Variants in HS3ST2 observed in about 807,000 individuals in gnomAD.
The protein encoded by HS3ST2 is heparan sulfate-glucosamine 3-sulfotransferase 2, also known as heparan sulfate glucosamine 3-O-sulfotransferase 2.
A neutral mutation model predicts 26.3 loss-of-function variants in HS3ST2; 17 were observed. The ratio of observed to expected loss-of-function variants is 0.65; its 90% CI spans 0.44 to 0.97. The LOEUF (loss-of-function observed/expected upper bound fraction) is 0.97. Ranked by LOEUF, HS3ST2 falls within the 50% of genes least tolerant of loss-of-function variation. HS3ST2 has a pLI of 0.00. For synonymous variants in HS3ST2, 237 were observed against 219.2 expected (o/e 1.08, Z -0.72); for missense variants, 402 against 501.2 (o/e 0.80, Z 1.89).
At chr16:22,875,539 C>T (rs968910669) in intron 1 of HS3ST2, among the ~76,000 whole-genome samples, 86 of 152,254 alleles carry the variant, frequency 5.6e-4, no homozygotes, top group African/African-American at 1.9e-3. Flanking sequence ...CGCCACCACA[C>T]CTAGCTAATT....
At chr16:22,828,256 A>G (rs1308862840) in intron 1 of HS3ST2, among the ~76,000 whole-genome samples, 1 of 152,104 alleles carries the variant, frequency 6.6e-6, no homozygotes, top group Non-Finnish European at 1.5e-5. Context: ...ATAAATACAG[A>G]GTTCTTAGGT....
At chr16:22,876,845 C>T (rs909465559) in intron 1 of HS3ST2, among the ~76,000 whole-genome samples, 4 of 152,036 alleles carry the variant, frequency 2.6e-5, no homozygotes, top group East Asian at 1.9e-4. Flanking sequence ...TAGATGGAGT[C>T]GAAGGCCATT....
At chr16:22,861,399 G>T (rs41433148) in intron 1 of HS3ST2, among the ~76,000 whole-genome samples, 5,014 of 151,826 alleles carry the variant, frequency 0.033, 112 homozygotes, top group Middle Eastern at 0.095. Context: ...GACAGAACCT[G>T]TACTTGCTGG....
chr16:22,830,323 T>C (rs993033209), intron 1 of HS3ST2, among the ~76,000 whole-genome samples: 1 of 152,196 alleles, frequency 6.6e-6, no homozygotes, highest in Non-Finnish European at 1.5e-5. Flanking sequence ...GCACAGAATG[T>C]GAGTGCCTTT....
At chr16:22,905,240 C>T (rs886509549) in intron 1 of HS3ST2, among the ~76,000 whole-genome samples, 3 of 152,088 alleles carry the variant, frequency 2.0e-5, no homozygotes, top group Non-Finnish European at 4.4e-5. Flanking sequence ...TGTAAGTTTC[C>T]GATGATGGCC....
intron 1 of HS3ST2, among the ~76,000 whole-genome samples, chr16:22,903,132 A>G (rs962383318): frequency 2.0e-5 from 3 of 152,096 alleles, no homozygotes; most frequent in Non-Finnish European, 2.9e-5. Flanking sequence ...CCTCATGCCA[A>G]GATTCATTTT....
At chr16:22,816,175 C>A (rs772152227) in intron 1 of HS3ST2, among the ~76,000 whole-genome samples, 4 of 152,228 alleles carry the variant, frequency 2.6e-5, no homozygotes, top group Admixed American at 6.5e-5. Context: ...CCTGTTAACA[C>A]ATAGGTCACA....
intron 1 of HS3ST2, among the ~76,000 whole-genome samples, chr16:22,876,920 G>A (rs561277141): frequency 1.3e-5 from 2 of 152,314 alleles, no homozygotes; most frequent in Admixed American, 1.3e-4. Context: ...ATAAGTGGGA[G>A]CTAAGCTACG....
At chr16:22,883,582 AAC>A (rs1376057280) in intron 1 of HS3ST2, among the ~76,000 whole-genome samples, 1 of 152,220 alleles carries the variant, frequency 6.6e-6, no homozygotes, top group Non-Finnish European at 1.5e-5. Flanking sequence ...ATAACTATGT[AAC>A]TGGTTTTTGT....
At chr16:22,865,553 C>A (rs1201262785) in intron 1 of HS3ST2, among the ~76,000 whole-genome samples, 8 of 151,278 alleles carry the variant, frequency 5.3e-5, no homozygotes, top group African/African-American at 1.9e-4. Flanking sequence ...GAGACTTAGT[C>A]TAAAAAATAA....
chr16:22,870,080 T>C (rs1287497732), intron 1 of HS3ST2, among the ~76,000 whole-genome samples: 2 of 152,162 alleles, frequency 1.3e-5, no homozygotes, highest in South Asian at 2.1e-4. Context: ...AAACTGAGGC[T>C]TAGAGAGAGA....
intron 1 of HS3ST2, among the ~76,000 whole-genome samples, chr16:22,870,075 G>T (rs1901813055): frequency 6.6e-6 from 1 of 152,116 alleles, no homozygotes; most frequent in South Asian, 2.1e-4. Flanking sequence ...TAAGGAAACT[G>T]AGGCTTAGAG....
At chr16:22,895,438 G>A (rs531804298) in intron 1 of HS3ST2, among the ~76,000 whole-genome samples, 6 of 152,106 alleles carry the variant, frequency 3.9e-5, no homozygotes, top group Non-Finnish European at 7.4e-5. Context: ...TCTACTTTCC[G>A]TGGAATTTCA....
chr16:22,856,889 T>C (rs1036118276), intron 1 of HS3ST2, among the ~76,000 whole-genome samples: 9 of 152,224 alleles, frequency 5.9e-5, no homozygotes, highest in Non-Finnish European at 1.3e-4. Context: ...TGAAGGCTTT[T>C]CCACGCTCAG....
At chr16:22,837,146 G>A (rs1049503303) in intron 1 of HS3ST2, among the ~76,000 whole-genome samples, 53 of 148,196 alleles carry the variant, frequency 3.6e-4, no homozygotes, top group Admixed American at 2.0e-4. Flanking sequence ...TATTTAAATA[G>A]AAACGGAGCC....
intron 1 of HS3ST2, among the ~76,000 whole-genome samples, chr16:22,830,351 G>A (rs948833957): frequency 2.6e-5 from 4 of 152,198 alleles, no homozygotes; most frequent in Non-Finnish European, 5.9e-5. Flanking sequence ...TAGTGGTGTA[G>A]ATGAAGTCTA....
intron 1 of HS3ST2, among the ~76,000 whole-genome samples, chr16:22,844,159 T>G (rs1901399136): frequency 6.6e-6 from 1 of 152,190 alleles, no homozygotes. Flanking sequence ...ATTTTTTATT[T>G]TTTTGCCATG....
chr16:22,875,106 G>A (rs1316756961), intron 1 of HS3ST2, among the ~76,000 whole-genome samples: 1 of 152,000 alleles, frequency 6.6e-6, no homozygotes, highest in Non-Finnish European at 1.5e-5. Flanking sequence ...GAGGCCTAGG[G>A]TAATGTGTGT....
At chr16:22,906,386 A>AATAAATAAATAAATAC (rs1299620010) in intron 1 of HS3ST2, among the ~76,000 whole-genome samples, 2 of 151,816 alleles carry the variant, frequency 1.3e-5, no homozygotes, top group African/African-American at 4.8e-5. Context: ...TAAATAAATA[A>AATAAATAAATAAATAC]ATAAATAAAA....
Sources: gnomAD v4.1 joint callset for allele counts (sites outside exome capture counted in the v4.1 genomes callset) on GRCh38, gnomAD v4.1.1 for gene constraint, MANE v1.5 for transcripts, NCBI Gene and HGNC (gene_info 2026-07-23, HGNC 2026-07-21) for gene names.